GK: variants seen among roughly 807,000 people sequenced by gnomAD.
GK encodes ATP:glycerol 3-phosphotransferase.
A neutral mutation model predicts 56.4 loss-of-function variants in GK; 9 were observed. The observed-to-expected ratio is 0.16, with a 90% CI of 0.10 to 0.28. The LOEUF (loss-of-function observed/expected upper bound fraction) is 0.28, where lower values mean the gene tolerates loss of function less well. GK is among the 10% of genes least tolerant of loss of function. The pLI is 1.00. For synonymous variants in GK, 104 were observed against 144.1 expected, an observed-to-expected ratio of 0.72 and a Z score of 1.99; for missense variants, 161 against 431.4, an observed-to-expected ratio of 0.37 and a Z score of 5.55.
At chrX:30,654,018 G>T (rs1353903374) in intron 1 of GK, among the ~76,000 whole-genome samples, 5 of 112,536 alleles carry the variant, frequency 4.4e-5, no homozygotes, top group Non-Finnish European at 9.4e-5. Flanking sequence ...GTCCTTGGAT[G>T]GGGGGAAAGC....
At position 30,697,044 on chromosome X, in the gene GK, C is replaced by T. The variant is rs764421200; in HGVS notation, c.729+361C>T. Among the ~76,000 whole-genome samples, 7 of 112,697 alleles carry T rather than the reference C, an allele frequency of 6.2e-5. No individual in the cohort carries two copies. In the South Asian group the frequency reaches 1.4e-3, roughly 23 times the overall value. ...GCATATTTAGTAGTGTTCTTTTTCC[C>T]GTTGAATCTTTTTTATGGCCAAGCT... On this transcript the variant is annotated intron_variant, in intron 8 of 20. Coordinates refer to ENST00000427190, the MANE Select transcript of GK (RefSeq NM_001205019.2).
chrX:30,701,056 TA>T (rs761706469), intron 11 of GK, 151 bp downstream of exon 11: 17 of 474,484 alleles, frequency 3.6e-5, no homozygotes, highest in Non-Finnish European at 5.7e-5. Context: ...ACCATTTTTT[TA>T]TATCTTTAAA....
chrX:30,677,756 C>T (rs1193678392), intron 4 of GK, among the ~76,000 whole-genome samples: 1 of 100,911 alleles, frequency 9.9e-6, no homozygotes, highest in African/African-American at 3.8e-5. Flanking sequence ...ACCTGGGAGG[C>T]AGAGGTTGCA....
At chrX:30,674,861 T>C (rs1933770126) in intron 3 of GK, among the ~76,000 whole-genome samples, 1 of 111,689 alleles carries the variant, frequency 9.0e-6, no homozygotes, top group Non-Finnish European at 1.9e-5. Flanking sequence ...GGATAAATAG[T>C]ATTAGAACAA....
intron 18 of GK, among the ~76,000 whole-genome samples, chrX:30,723,394 CAAAAAAAA>C (rs375486944): frequency 2.1e-5 from 2 of 94,148 alleles, no homozygotes; most frequent in Admixed American, 2.3e-4. Flanking sequence ...GACTCAGTCT[CAAAAAAAA>C]AAAAGAAATA....
chrX:30,683,451 A>G (rs1042050046), intron 4 of GK, among the ~76,000 whole-genome samples: 3 of 111,427 alleles, frequency 2.7e-5, no homozygotes, highest in African/African-American at 9.8e-5. Flanking sequence ...TTTATGGCTC[A>G]GGGACACTTG....
At chrX:30,723,718 G>A in intron 18 of GK, 2 of 217,850 alleles carry the variant, frequency 9.2e-6, no homozygotes, top group Non-Finnish European at 1.7e-5. Context: ...CACCTCCCAG[G>A]CTCAAATGAT....
intron 4 of GK, among the ~76,000 whole-genome samples, chrX:30,685,192 C>G (rs1934528115): frequency 9.2e-6 from 1 of 109,047 alleles, no homozygotes; most frequent in South Asian, 3.9e-4. Flanking sequence ...AGTGCAGTGG[C>G]GCGATCTCGG....
chrX:30,670,148 T>C (rs1933380801), intron 3 of GK, among the ~76,000 whole-genome samples: 1 of 111,939 alleles, frequency 8.9e-6, no homozygotes. Flanking sequence ...CTTCTCACAG[T>C]CTAAACAGTG....
intron 4 of GK, among the ~76,000 whole-genome samples, chrX:30,680,744 C>T (rs1281389133): frequency 3.6e-5 from 4 of 111,709 alleles, no homozygotes; most frequent in Non-Finnish European, 5.6e-5. Flanking sequence ...ATCTGACAGG[C>T]TAAGCCACAC....
chrX:30,663,974 T>C (rs1223751143), intron 1 of GK, among the ~76,000 whole-genome samples: 1 of 95,632 alleles, frequency 1.0e-5, no homozygotes, highest in African/African-American at 3.8e-5. Flanking sequence ...TATATATATT[T>C]TATATATATC....
At chrX:30,670,849 C>T (rs1247711106) in intron 3 of GK, among the ~76,000 whole-genome samples, 2 of 107,134 alleles carry the variant, frequency 1.9e-5, no homozygotes, top group Non-Finnish European at 3.8e-5. Context: ...CAGGCGTGGT[C>T]GTGGGCACCT....
intron 3 of GK, chrX:30,672,146 C>G (rs1187622798): frequency 3.8e-5 from 1 of 26,603 alleles, no homozygotes; most frequent in Non-Finnish European, 6.0e-5. Flanking sequence ...GCAACAAGAG[C>G]AAAACTCCAT....
chrX:30,664,213 G>A (rs1221600619), intron 1 of GK, among the ~76,000 whole-genome samples: 2 of 62,248 alleles, frequency 3.2e-5, no homozygotes, highest in African/African-American at 6.4e-5. Context: ...TTTTTTTTTT[G>A]AGACAGTTTC....
rs1032978180 is a variant in GK at position 30,698,915 on chromosome X, A to C, written c.747+1166A>C. On this transcript the variant is annotated intron_variant, in intron 9 of 20. Coordinates refer to ENST00000427190, the MANE Select transcript of GK (RefSeq NM_001205019.2). ...GAAAATAGCAGGTTTTGAATTAACC[A>C]GAAAACAAGAAAGAAATAAAATGAT... Among the ~76,000 whole-genome samples the C allele has an allele frequency of 3.7e-5, 4 of 108,101 alleles. No individual in the cohort carries two copies. The East Asian group carries it at 1.1e-3, about 31-fold the overall frequency. 93.9% of individuals were successfully genotyped at this position (108,101 alleles called of 115,157 possible).
intron 4 of GK, among the ~76,000 whole-genome samples, chrX:30,686,182 T>C (rs763866805): frequency 3.5e-5 from 4 of 112,947 alleles, no homozygotes; most frequent in Non-Finnish European, 7.5e-5. Flanking sequence ...AACTCTGTTT[T>C]ACTTTTGGCC....
intron 13 of GK, among the ~76,000 whole-genome samples, chrX:30,717,857 C>T (rs897724570): frequency 9.0e-6 from 1 of 111,242 alleles, no homozygotes; most frequent in African/African-American, 3.3e-5. Context: ...TTGTCATAGT[C>T]ATCATTTTAT....
At chrX:30,712,813 C>G (rs1387703039) in intron 13 of GK, among the ~76,000 whole-genome samples, 1 of 98,232 alleles carries the variant, frequency 1.0e-5, no homozygotes, top group Non-Finnish European at 2.0e-5. Flanking sequence ...CAAGCTCTGT[C>G]TCCCAGGTTC....
chrX:30,696,019 C>T, intron 6 of GK, 23 bp from the exon 7 acceptor site: 2 of 823,668 alleles, frequency 2.4e-6, no homozygotes, highest in Non-Finnish European at 3.7e-6. Flanking sequence ...ACAAATTTAA[C>T]CTGATTTTTT....
Sources: allele counts gnomAD v4.1 joint callset (sites outside exome capture counted in the v4.1 genomes callset), GRCh38; gene constraint gnomAD v4.1.1; transcripts MANE v1.5; gene names NCBI Gene and HGNC (gene_info 2026-07-23, HGNC 2026-07-21).